The following SAMD12 variants were observed in gnomAD, a reference collection of about 807,000 sequenced individuals.
SAMD12 encodes the protein sterile alpha motif domain containing 12.
A neutral mutation model predicts 15.0 loss-of-function variants in SAMD12; 9 were observed. That is an observed-to-expected ratio of 0.60 (90% confidence interval 0.36 to 1.05). The LOEUF (loss-of-function observed/expected upper bound fraction) is 1.05, where lower values mean the gene tolerates loss of function less well. SAMD12 is among the 50% of genes least tolerant of loss of function. The pLI, the probability that SAMD12 is intolerant of heterozygous loss-of-function variation, is 0.01. For missense variants in SAMD12, 230 were observed against 234.2 expected (o/e 0.98, Z 0.12); for synonymous variants, 86 against 90.1 (o/e 0.96, Z 0.25).
intron 2 of SAMD12, among the ~76,000 whole-genome samples, chr8:118,457,259 C>T (rs564729382): frequency 5.4e-5 from 8 of 147,802 alleles, no homozygotes; most frequent in Non-Finnish European, 1.5e-5. Flanking sequence ...AGAGACAAGG[C>T]TTACTCTCTT....
chr8:118,442,683 A>G (rs1167468575), intron 2 of SAMD12, among the ~76,000 whole-genome samples: 1 of 152,194 alleles, frequency 6.6e-6, no homozygotes, highest in Non-Finnish European at 1.5e-5. Flanking sequence ...GCACCTCTGA[A>G]TCTAGTTCTT....
At chr8:118,577,406 C>T (rs1006028609) in intron 2 of SAMD12, among the ~76,000 whole-genome samples, 8 of 152,136 alleles carry the variant, frequency 5.3e-5, no homozygotes, top group Non-Finnish European at 1.0e-4. Context: ...GTAGATTAAG[C>T]ACATGCTACA....
chr8:118,277,530 G>T (rs1233383455), intron 4 of SAMD12, among the ~76,000 whole-genome samples: 1 of 151,230 alleles, frequency 6.6e-6, no homozygotes, highest in Non-Finnish European at 1.5e-5. Context: ...GTTTATGCAG[G>T]CCTGGGACAA....
chr8:118,262,018 ATT>A (rs1563720533), intron 4 of SAMD12, among the ~76,000 whole-genome samples: 1 of 152,040 alleles, frequency 6.6e-6, no homozygotes, highest in Non-Finnish European at 1.5e-5. Context: ...CATTCCTGTC[ATT>A]TGCAACAACA....
chr8:118,246,976 G>A (rs184113957), intron 4 of SAMD12, among the ~76,000 whole-genome samples: 5 of 152,242 alleles, frequency 3.3e-5, no homozygotes, highest in Admixed American at 2.0e-4. Flanking sequence ...CCCTCAGTAG[G>A]TGAAAAGGAG....
chr8:118,374,358 C>T (rs1819268503), downstream of SAMD12, among the ~76,000 whole-genome samples: 1 of 152,016 alleles, frequency 6.6e-6, no homozygotes, highest in Non-Finnish European at 1.5e-5. Flanking sequence ...TGTATATATA[C>T]CATGTTTTCT....
At chr8:118,513,009 AT>A (rs11294934) in intron 2 of SAMD12, among the ~76,000 whole-genome samples, 49,373 of 150,422 alleles carry the variant, frequency 0.33, 9,828 homozygotes, top group African/African-American at 0.56. Context: ...GAATACTTAT[AT>A]TTTTTTTTTT....
intron 4 of SAMD12, among the ~76,000 whole-genome samples, chr8:118,240,444 G>C (rs116624667): frequency 1.3e-5 from 2 of 152,262 alleles, no homozygotes; most frequent in African/African-American, 4.8e-5. Flanking sequence ...GAGTCAGACA[G>C]TTCTGGATTT....
intron 4 of SAMD12, among the ~76,000 whole-genome samples, chr8:118,255,854 C>A (rs903423077): frequency 1.4e-4 from 21 of 152,090 alleles, no homozygotes; most frequent in African/African-American, 3.9e-4. Flanking sequence ...ATTTATAGTC[C>A]TTTGGGTATA....
At chr8:118,353,090 T>C (rs1186168065) in intron 4 of SAMD12, among the ~76,000 whole-genome samples, 1 of 152,010 alleles carries the variant, frequency 6.6e-6, no homozygotes, top group Non-Finnish European at 1.5e-5. Flanking sequence ...GTGAAAATAA[T>C]ATACATTTAT....
intron 2 of SAMD12, among the ~76,000 whole-genome samples, chr8:118,521,985 G>C (rs771810385): frequency 5.3e-5 from 8 of 151,980 alleles, no homozygotes; most frequent in Non-Finnish European, 8.8e-5. Flanking sequence ...GTGTGCCAAG[G>C]AAGTACTGGT....
At chr8:118,488,502 G>C (rs1267725496) in intron 2 of SAMD12, among the ~76,000 whole-genome samples, 2 of 152,076 alleles carry the variant, frequency 1.3e-5, no homozygotes, top group African/African-American at 4.8e-5. Context: ...CATCCCAGAA[G>C]GTTTCCCCTC....
At chr8:118,151,371 C>A in the SAMD12 span, among the ~76,000 whole-genome samples, 1 of 152,080 alleles carries the variant, frequency 6.6e-6, no homozygotes, top group Non-Finnish European at 1.5e-5. Context: ...TGTTTTTCAG[C>A]CCCTTCTGTT....
chr8:118,241,440 A>G (rs1244359011), intron 4 of SAMD12, among the ~76,000 whole-genome samples: 1 of 152,164 alleles, frequency 6.6e-6, no homozygotes, highest in African/African-American at 2.4e-5. Context: ...CATTGAGCTT[A>G]CTTCTTAGAC....
chr8:118,207,643 C>T (rs1231953353), intron 4 of SAMD12, among the ~76,000 whole-genome samples: 15 of 152,188 alleles, frequency 9.9e-5, no homozygotes. Flanking sequence ...TCACAGAGCA[C>T]AGAGCCTTGT....
intron 4 of SAMD12, among the ~76,000 whole-genome samples, chr8:118,276,194 C>A (rs1039708686): frequency 6.6e-6 from 1 of 152,120 alleles, no homozygotes; most frequent in African/African-American, 2.4e-5. Flanking sequence ...TTCTAGATTT[C>A]TATATGCTAC....
At chr8:118,466,808 A>T (rs967722346) in intron 2 of SAMD12, among the ~76,000 whole-genome samples, 49 of 152,156 alleles carry the variant, frequency 3.2e-4, no homozygotes, top group Non-Finnish European at 6.9e-4. Flanking sequence ...GAGAGAAAAA[A>T]AAATACGTTG....
chr8:118,605,023 G>A (rs967356738), intron 1 of SAMD12, among the ~76,000 whole-genome samples: 2 of 152,156 alleles, frequency 1.3e-5, no homozygotes, highest in Non-Finnish European at 2.9e-5. Flanking sequence ...AAAGATAGAC[G>A]AGCATAGGTT....
chr8:118,387,558 T>C (rs183112319), intron 3 of SAMD12, among the ~76,000 whole-genome samples: 1 of 152,312 alleles, frequency 6.6e-6, no homozygotes, highest in Non-Finnish European at 1.5e-5. Flanking sequence ...GATTATGTCA[T>C]TGTCAACAGT....
Sources: gnomAD v4.1 joint callset for allele counts (sites outside exome capture counted in the v4.1 genomes callset) on GRCh38, gnomAD v4.1.1 for gene constraint, MANE v1.5 for transcripts, NCBI Gene and HGNC (gene_info 2026-07-23, HGNC 2026-07-21) for gene names.